Variants in SNX1 observed in about 807,000 individuals in gnomAD.
SNX1 encodes the protein sorting nexin 1, also known as sorting nexin-1.
A neutral mutation model predicts 71.8 loss-of-function variants in SNX1; 36 were observed. The ratio of observed to expected loss-of-function variants is 0.50; its 90% CI spans 0.38 to 0.66. The LOEUF (loss-of-function observed/expected upper bound fraction) is 0.66. SNX1 is among the 30% of genes least tolerant of loss of function. The pLI is 0.00. For missense variants in SNX1, 612 were observed against 646.7 expected (o/e 0.95, Z 0.58); for synonymous variants, 254 against 240.7 (o/e 1.06, Z -0.51).
At position 64,143,650 on chromosome 15, in the gene SNX1, T is replaced by C. The variant is rs2081436325; in HGVS notation, c.*6032T>C. ...GAGGAGGCTGGGTTAATGCTGGGCT[T>C]GGTACCTTAAGCACCCTTTCTCCCT... On this transcript the variant is annotated 3_prime_UTR_variant, in exon 15 of 15. Coordinates refer to ENST00000559844, the MANE Select transcript of SNX1 (RefSeq NM_003099.5). 1 of 152,280 alleles carries C rather than the reference T, an allele frequency of 6.6e-6. No individual in the cohort carries two copies. Among genetic ancestry groups the C allele is most frequent in the Admixed American group, 6.5e-5 (1 of 15,286 alleles). The allele number at this position is 152,280 out of a possible 1,614,324, so 9.4% of individuals were successfully genotyped here.
Position 64,118,294 on chromosome 15 carries a change from G to C in SNX1, c.399+50G>C, listed in dbSNP as rs1413102930. 1.9e-6 allele frequency: 3 copies of C among 1,558,804 alleles called. No individual in the cohort carries two copies. The East Asian group carries it at 6.8e-5, about 35-fold the overall frequency. On this transcript the variant is annotated intron_variant, in intron 3 of 14. Coordinates refer to ENST00000559844, the MANE Select transcript of SNX1 (RefSeq NM_003099.5). The stretch of plus-strand genomic sequence containing the variant: ...ATCGCTTTTAGATATTGAGGACTGT[G>C]TACGGCCAGTCTGAAGTGTAGTTGA...
At chr15:64,109,490 T>TTTTTG (rs142477216) in intron 1 of SNX1, among the ~76,000 whole-genome samples, 5,982 of 149,804 alleles carry the variant, frequency 0.04, 395 homozygotes, top group African/African-American at 0.14. Flanking sequence ...CTAGTGAAGA[T>TTTTTG]TTTTGTTTTG....
At chr15:64,102,490 T>A (rs990762706) in intron 1 of SNX1, among the ~76,000 whole-genome samples, 3 of 152,178 alleles carry the variant, frequency 2.0e-5, no homozygotes, top group Non-Finnish European at 4.4e-5. Flanking sequence ...TCCTTCTAAT[T>A]GTATTTTTGT....
Position 64,138,191 on chromosome 15 carries a change from G to C in SNX1, c.*573G>C, listed in dbSNP as rs1389596478. Reference sequence around the variant, plus strand: ...TTCTCTCCGCCTACCTCAGCTACCTGTTCTGAGGGTCTCAATCTGTTTCGT... The same window carrying C: ...TTCTCTCCGCCTACCTCAGCTACCTCTTCTGAGGGTCTCAATCTGTTTCGT... On this transcript the variant is annotated 3_prime_UTR_variant, in exon 15 of 15. Coordinates refer to ENST00000559844, the MANE Select transcript of SNX1 (RefSeq NM_003099.5). The C allele has an allele frequency of 4.6e-6, 7 of 1,530,804 alleles. No homozygotes were observed. In the African/African-American group the frequency reaches 5.5e-5, roughly 12 times the overall value. The allele number at this position is 1,530,804 out of a possible 1,614,324, so 94.8% of individuals were successfully genotyped here.
chr15:64,127,798 AAAG>A lies in SNX1; in HGVS notation c.804_806del (p.Glu269del). ...CCCTGACGTCAGAGAGTTCTTGGAA[AAAG>A]AAGAGGTTAGTATTCAGTGCAAACT... is the stretch of plus-strand genomic sequence containing the variant. On this transcript the variant is annotated inframe_deletion, in exon 8 of 15. Coordinates refer to ENST00000559844, the MANE Select transcript of SNX1 (RefSeq NM_003099.5). 6.2e-7 allele frequency: 1 copy of A among 1,613,338 alleles called. No individual in the cohort carries two copies. The highest frequency in any genetic ancestry group is 8.5e-7 in the Non-Finnish European group (1 of 1,179,256).
chr15:64,097,236 G>A (rs951672543), intron 1 of SNX1, among the ~76,000 whole-genome samples: 5 of 152,248 alleles, frequency 3.3e-5, no homozygotes, highest in Non-Finnish European at 7.3e-5. Context: ...GTGAGACGTG[G>A]TGGATGGGGA....
chr15:64,108,192 CAAA>C (rs1394971203), intron 1 of SNX1, among the ~76,000 whole-genome samples: 3 of 82,608 alleles, frequency 3.6e-5, no homozygotes, highest in Non-Finnish European at 2.5e-5. Context: ...GACTCTGTCT[CAAA>C]AAAAAAAAAA....
At chr15:64,124,912 A>G (rs539313083) in intron 5 of SNX1, among the ~76,000 whole-genome samples, 2 of 152,170 alleles carry the variant, frequency 1.3e-5, no homozygotes, top group African/African-American at 2.4e-5. Flanking sequence ...AATTTTGCCT[A>G]TCTGGTGAGT....
rs1158433777 is a variant in SNX1, at chr15:64,129,317, T to C, written c.808-599T>C. ...AATCTGACTTTTTAGCATAGTGTGC[T>C]GTATATGCTATAGATTTTTCAGCGT... On this transcript the variant is annotated intron_variant, in intron 8 of 14. Transcript: ENST00000559844. The surrounding 1 kb of genome is among the most constrained non-coding windows in gnomAD (Gnocchi z 4.4). Among the ~76,000 whole-genome samples the C allele has an allele frequency of 6.6e-6, 1 of 152,140 alleles. No individual in the cohort carries two copies. Among genetic ancestry groups the C allele is most frequent in the Non-Finnish European group, 1.5e-5 (1 of 68,028 alleles).
intron 3 of SNX1, 99 bp from the exon 4 acceptor site, chr15:64,118,689 C>T (rs762148987): frequency 1.5e-5 from 13 of 857,476 alleles, no homozygotes; most frequent in African/African-American, 3.4e-5. Flanking sequence ...CTGAAGGATA[C>T]ATCTTGATTT....
chr15:64,122,334 T>C (rs990756956), intron 4 of SNX1, among the ~76,000 whole-genome samples: 1 of 152,074 alleles, frequency 6.6e-6, no homozygotes, highest in African/African-American at 2.4e-5. Context: ...AATAAGGTGG[T>C]TTAGAAGAGA....
intron 1 of SNX1, among the ~76,000 whole-genome samples, chr15:64,100,892 A>G (rs1021197128): frequency 6.6e-6 from 1 of 152,122 alleles, no homozygotes; most frequent in Admixed American, 6.5e-5. Context: ...TGCAGCCTCT[A>G]CCTCTTGAGC....
chr15:64,124,178 A>ATATATATGTATG (rs1445871067), intron 5 of SNX1, among the ~76,000 whole-genome samples: 2 of 123,550 alleles, frequency 1.6e-5, no homozygotes, highest in African/African-American at 5.8e-5. Flanking sequence ...ATATATATAT[A>ATATATATGTATG]TGACTGTTTT....
At chr15:64,105,215 T>A (rs943520037) in intron 1 of SNX1, among the ~76,000 whole-genome samples, 1 of 82,764 alleles carries the variant, frequency 1.2e-5, no homozygotes, top group African/African-American at 4.2e-5. Flanking sequence ...CGAGACTCTG[T>A]CTCAAAAAAA....
At chr15:64,114,083 T>C (rs2081105484) in intron 2 of SNX1, among the ~76,000 whole-genome samples, 1 of 152,222 alleles carries the variant, frequency 6.6e-6, no homozygotes, top group Non-Finnish European at 1.5e-5. Context: ...GATTTTCATC[T>C]TAATGCCAAT....
chr15:64,105,500 C>T lies in SNX1; in HGVS notation c.160-7073C>T, dbSNP rs146637103. On this transcript the variant is annotated intron_variant, in intron 1 of 14. Transcript: ENST00000559844. ...CAAGTAGCCGTAAGTATCTCATCTCCAGGAAAAGCTGTTGCTCAACTTTTT... is the reference window on the plus strand; with the variant it reads ...CAAGTAGCCGTAAGTATCTCATCTCTAGGAAAAGCTGTTGCTCAACTTTTT... Among the ~76,000 whole-genome samples the T allele has an allele frequency of 8.5e-5, 13 of 152,306 alleles. No homozygotes were observed. In the East Asian group the frequency reaches 2.5e-3, roughly 29 times the overall value.
Position 64,129,916 on chromosome 15 carries a change from C to G in SNX1, c.808C>G (p.Leu270Val). The stretch of plus-strand genomic sequence containing the variant: ...CATCCCTGCCTTCTTGGTCTTGTAG[C>G]TGCCACGTGCCGTGGGTACCCAGAC... ...DVREFLEKEELPRAVGTQTLS... is the reference protein window; with the variant it reads ...DVREFLEKEEVPRAVGTQTLS... The change falls in exon 9 of 15, where the codon CTG becomes GTG. Residue 270 changes from leucine to valine, a missense_variant and splice_region_variant. Coordinates refer to ENST00000559844, the MANE Select transcript of SNX1 (RefSeq NM_003099.5). The surrounding 1 kb of genome is among the most constrained non-coding windows in gnomAD (Gnocchi z 4.4). The G allele has an allele frequency of 6.2e-7, 1 of 1,612,408 alleles. No homozygotes were observed. The highest frequency in any genetic ancestry group is 8.5e-7 in the Non-Finnish European group (1 of 1,178,494).
intron 5 of SNX1, among the ~76,000 whole-genome samples, chr15:64,125,528 C>T (rs994379300): frequency 6.6e-6 from 1 of 150,954 alleles, no homozygotes; most frequent in Non-Finnish European, 1.5e-5. Flanking sequence ...GCCTGTATTC[C>T]TAGCTACTTG....
Position 64,130,287 on chromosome 15 carries a change from T to C in SNX1, c.981T>C (p.His327=), listed in dbSNP as rs1159849367. 1 of 1,614,146 alleles carries C rather than the reference T, an allele frequency of 6.2e-7. No homozygotes were observed. Among genetic ancestry groups the C allele is most frequent in the South Asian group, 1.1e-5 (1 of 91,086 alleles). The part of the protein sequence containing the change: ...ECEEQRLRKL[H]AVVETLVNHR... ...AGGAGCAGCGCTTACGGAAACTGCA[T>C]GCTGTTGTAGAAACTCTAGTCAACC... is the stretch of plus-strand genomic sequence containing the variant. The change falls in exon 10 of 15, where the codon CAT becomes CAC. Residue 327 remains histidine, a synonymous_variant. Transcript: ENST00000559844.
Sources: allele counts gnomAD v4.1 joint callset (sites outside exome capture counted in the v4.1 genomes callset), GRCh38; gene constraint gnomAD v4.1.1; non-coding constraint Gnocchi (gnomAD v3.1); transcripts MANE v1.5; gene names NCBI Gene and HGNC (gene_info 2026-07-23, HGNC 2026-07-21).